RBMS1: variants seen among roughly 807,000 people sequenced by gnomAD.
RBMS1 encodes RNA-binding motif, single-stranded-interacting protein 1.
A neutral mutation model predicts 62.3 loss-of-function variants in RBMS1; 17 were observed. The ratio of observed to expected loss-of-function variants is 0.27; its 90% CI spans 0.19 to 0.41. The LOEUF (loss-of-function observed/expected upper bound fraction) is 0.41, where lower values mean the gene tolerates loss of function less well. RBMS1 is among the 10% of genes least tolerant of loss of function. The probability of loss-of-function intolerance (pLI) is 1.00; values close to 1 mark genes in which losing one functional copy is unlikely to be tolerated. For synonymous variants in RBMS1, 172 were observed against 170.0 expected (o/e 1.01, Z -0.09); for missense variants, 334 against 504.5 (o/e 0.66, Z 3.24).
Position 160,493,452 on chromosome 2 carries a change from G to GGCGGCA in RBMS1, c.-95_-90dup, listed in dbSNP as rs1685951320. On this transcript the variant is annotated 5_prime_UTR_variant, in exon 1 of 14. Coordinates refer to ENST00000348849, the MANE Select transcript of RBMS1 (RefSeq NM_016836.4). ...CTCCTGCCTCTCCCTTTCCGGCGGC[G>GGCGGCA]GCGGCAGCGGCGGCGGCGGCGGCGG... 2 of 1,269,182 alleles carry GGCGGCA rather than the reference G, an allele frequency of 1.6e-6. No homozygotes were observed. The highest frequency in any genetic ancestry group is 1.9e-5 in the Admixed American group (1 of 52,636). 78.6% of individuals were successfully genotyped at this position (1,269,182 alleles called of 1,614,324 possible). A position where few individuals can be genotyped will look rare whatever the true frequency, so the allele number is the denominator to read the frequency against.
intron 1 of RBMS1, among the ~76,000 whole-genome samples, chr2:160,448,303 C>CTCTCCCG (rs1470087775): frequency 6.6e-6 from 1 of 151,240 alleles, no homozygotes; most frequent in African/African-American, 2.4e-5. Context: ...CCCCCTCCCC[C>CTCTCCCG]TCTCCCGTCT....
Position 160,334,399 on chromosome 2 carries a change from T to C in RBMS1, c.252-16172A>G, listed in dbSNP as rs115265460. On this transcript the variant is annotated intron_variant, in intron 2 of 13. Coordinates refer to ENST00000348849, the MANE Select transcript of RBMS1 (RefSeq NM_016836.4). ...AAGTACTGTCACATTTGACACATTA[T>C]CTCATCCAAGCCTGCGGCAACCTGG... 2.8e-3 allele frequency among the ~76,000 whole-genome samples: 421 copies of C among 152,274 alleles called. 1 individual carries two copies. The highest frequency in any genetic ancestry group is 5.0e-3 in the Non-Finnish European group (341 of 68,034).
chr2:160,293,301 T>C (rs1257523298), intron 6 of RBMS1, among the ~76,000 whole-genome samples: 3 of 152,204 alleles, frequency 2.0e-5, no homozygotes, highest in African/African-American at 4.8e-5. Context: ...AATGCCCTCA[T>C]AATATCACTA....
At chr2:160,359,487 T>A (rs752417133) in intron 2 of RBMS1, among the ~76,000 whole-genome samples, 7 of 152,098 alleles carry the variant, frequency 4.6e-5, no homozygotes, top group Non-Finnish European at 1.0e-4. Flanking sequence ...GAGAACTGAG[T>A]CCCTCCTGGG....
intron 1 of RBMS1, among the ~76,000 whole-genome samples, chr2:160,411,359 A>G (rs1696026789): frequency 6.6e-6 from 1 of 152,216 alleles, no homozygotes; most frequent in Admixed American, 6.5e-5. Context: ...ATGAGGAAGC[A>G]GAAACTATGA....
At chr2:160,311,209 AATCT>A (rs756246053) in intron 4 of RBMS1, among the ~76,000 whole-genome samples, 830 of 57,656 alleles carry the variant, frequency 0.014, 23 homozygotes, top group Non-Finnish European at 0.026. Flanking sequence ...AAAAAAAAAA[AATCT>A]ATCTATCTAT....
At chr2:160,483,096 A>T (rs1161693735) in intron 1 of RBMS1, among the ~76,000 whole-genome samples, 1 of 151,760 alleles carries the variant, frequency 6.6e-6, no homozygotes, top group Non-Finnish European at 1.5e-5. Flanking sequence ...AAAAAAAAGC[A>T]AACAAAATCA....
intron 1 of RBMS1, among the ~76,000 whole-genome samples, chr2:160,467,173 A>G (rs759927486): frequency 6.6e-6 from 1 of 151,754 alleles, no homozygotes; most frequent in Non-Finnish European, 1.5e-5. Context: ...TAACAAAAAG[A>G]TGGGCGTTCC....
Position 160,275,708 on chromosome 2 carries a change from T to C in RBMS1, c.1150A>G (p.Ser384Gly). 6.2e-7 allele frequency: 1 copy of C among 1,613,792 alleles called. No individual in the cohort carries two copies. ...QTTAVPVEEA[S>G]GQQQVAVETS... ...TCGACAGCCACCTGCTGTTGACCAC[T>C]TGCCTCCTACAACAAACAAAGCAGA... The change falls in exon 13 of 14, where the codon AGT (serine) becomes GGT (glycine). Residue 384 changes from serine (S) to glycine (G), a missense_variant. Ser to Gly is a moderately conservative substitution (Grantham distance 56). This residue lies in a region of RBMS1 where 182 missense variants were observed against 257.7 expected (regional missense o/e 0.71). Coordinates refer to ENST00000348849, the MANE Select transcript of RBMS1 (RefSeq NM_016836.4).
Position 160,313,203 on chromosome 2 carries a change from C to T in RBMS1, c.355G>A (p.Ala119Thr), listed in dbSNP as rs1380435065. 1 of 1,613,456 alleles carries T rather than the reference C, an allele frequency of 6.2e-7. No homozygotes were observed. Among genetic ancestry groups the T allele is most frequent in the Non-Finnish European group, 8.5e-7 (1 of 1,179,642 alleles). ...CCACTGGCCTTCAGGGCAGACACAG[C>T]TTTTTGAGCTGCTGCAGGGCTGTCA... ...DFDSPAAAQK[A>T]VSALKASGVQ... is the part of the protein sequence containing the mutation. The change falls in exon 4 of 14, where the codon GCT becomes ACT. Residue 119 changes from alanine to threonine, a missense_variant. This residue lies in a region of RBMS1 where 150 missense variants were observed against 228.0 expected (regional missense o/e 0.66). Transcript: ENST00000348849.
intron 1 of RBMS1, among the ~76,000 whole-genome samples, chr2:160,392,130 C>G (rs916861396): frequency 6.6e-6 from 1 of 152,134 alleles, no homozygotes; most frequent in Non-Finnish European, 1.5e-5. Flanking sequence ...CCTACCTTCA[C>G]TTGGTTTTAT....
At chr2:160,398,441 TC>T (rs1695257631) in intron 1 of RBMS1, among the ~76,000 whole-genome samples, 1 of 152,240 alleles carries the variant, frequency 6.6e-6, no homozygotes, top group Non-Finnish European at 1.5e-5. Flanking sequence ...TACTCTGACT[TC>T]AAGGTAATCT....
At chr2:160,414,661 T>A (rs970867918) in intron 1 of RBMS1, among the ~76,000 whole-genome samples, 6 of 152,162 alleles carry the variant, frequency 3.9e-5, no homozygotes, top group African/African-American at 1.4e-4. Flanking sequence ...GCATAATAGT[T>A]AATAAAAATT....
intron 1 of RBMS1, among the ~76,000 whole-genome samples, chr2:160,440,388 C>T (rs1683363737): frequency 6.6e-6 from 1 of 152,080 alleles, no homozygotes; most frequent in Non-Finnish European, 1.5e-5. Context: ...ATGATGCTTC[C>T]ACCTCAGCTC....
At chr2:160,317,093 A>G (rs1357142742) in intron 3 of RBMS1, among the ~76,000 whole-genome samples, 2 of 152,234 alleles carry the variant, frequency 1.3e-5, no homozygotes, top group Non-Finnish European at 2.9e-5. Flanking sequence ...AATTGCCTTA[A>G]TGTGCCATGT....
intron 6 of RBMS1, among the ~76,000 whole-genome samples, chr2:160,298,696 G>C (rs1394205704): frequency 2.6e-5 from 4 of 152,140 alleles, no homozygotes; most frequent in Non-Finnish European, 5.9e-5. Context: ...TCCAGATGGG[G>C]TAATCAGGAA....
chr2:160,403,490 C>G (rs1306289416), intron 1 of RBMS1, among the ~76,000 whole-genome samples: 2 of 152,152 alleles, frequency 1.3e-5, no homozygotes, highest in Non-Finnish European at 2.9e-5. Context: ...CTAAACAAGG[C>G]CAAACACTGA....
intron 1 of RBMS1, among the ~76,000 whole-genome samples, chr2:160,422,507 C>G (rs1490153595): frequency 6.6e-6 from 1 of 152,136 alleles, no homozygotes; most frequent in African/African-American, 2.4e-5. Flanking sequence ...CCACACCACA[C>G]TATTATTCTC....
chr2:160,474,886 C>G (rs562191554), intron 1 of RBMS1, among the ~76,000 whole-genome samples: 1 of 152,146 alleles, frequency 6.6e-6, no homozygotes, highest in Non-Finnish European at 1.5e-5. Flanking sequence ...TTTTCAGTTG[C>G]GTCGCAAGTA....
Sources: allele counts gnomAD v4.1 joint callset (sites outside exome capture counted in the v4.1 genomes callset), GRCh38; gene constraint gnomAD v4.1.1; regional missense constraint gnomAD v4.1.1; transcripts MANE v1.5; gene names NCBI Gene and HGNC (gene_info 2026-07-23, HGNC 2026-07-21).